The following GABRA5 variants were observed in gnomAD, a reference collection of about 807,000 sequenced individuals.
GABRA5 encodes the protein gamma-aminobutyric acid type A receptor subunit alpha5.
In GABRA5, 18 loss-of-function variants were observed where a neutral mutation model predicts 47.3. The ratio of observed to expected loss-of-function variants is 0.38; its 90% CI spans 0.26 to 0.56. The LOEUF (loss-of-function observed/expected upper bound fraction) is 0.56. Ranked by LOEUF, GABRA5 falls within the 20% of genes least tolerant of loss-of-function variation. The pLI is 0.71. For synonymous variants in GABRA5, 237 were observed against 229.3 expected (o/e 1.03, Z -0.30); for missense variants, 365 against 599.3 (o/e 0.61, Z 4.08).
At chr15:26,886,033 T>C (rs1892870164) in intron 6 of GABRA5, among the ~76,000 whole-genome samples, 1 of 152,044 alleles carries the variant, frequency 6.6e-6, no homozygotes, top group Admixed American at 6.6e-5. Flanking sequence ...GTTGTTGTTG[T>C]TGTTGAGATG....
intron 6 of GABRA5, among the ~76,000 whole-genome samples, chr15:26,912,013 A>G (rs1893607088): frequency 6.6e-6 from 1 of 152,180 alleles, no homozygotes; most frequent in Non-Finnish European, 1.5e-5. Flanking sequence ...CTTCAGTAGC[A>G]CAGCTGGGCT....
intron 6 of GABRA5, among the ~76,000 whole-genome samples, chr15:26,891,503 A>C (rs1473342477): frequency 6.6e-6 from 1 of 152,210 alleles, no homozygotes; most frequent in Admixed American, 6.5e-5. Flanking sequence ...TATGCGCGCT[A>C]TTCAGCCATG....
At chr15:26,890,426 AT>A (rs201726196) in intron 6 of GABRA5, among the ~76,000 whole-genome samples, 2,465 of 128,590 alleles carry the variant, frequency 0.019, 52 homozygotes, top group African/African-American at 0.069. Flanking sequence ...AGTCACTTCA[AT>A]TTTTTTTTTT....
chr15:26,875,981 G>C (rs1892588215), intron 3 of GABRA5, among the ~76,000 whole-genome samples: 1 of 152,194 alleles, frequency 6.6e-6, no homozygotes, highest in Non-Finnish European at 1.5e-5. Flanking sequence ...ACAGTGAAGA[G>C]GTGATTGCAG....
intron 7 of GABRA5, among the ~76,000 whole-genome samples, chr15:26,924,050 C>T (rs1256876407): frequency 6.6e-6 from 1 of 151,624 alleles, no homozygotes; most frequent in Non-Finnish European, 1.5e-5. Flanking sequence ...ATTCTGATCT[C>T]TGTCATCTCT....
At chr15:26,897,176 G>T (rs1044120667) in intron 6 of GABRA5, among the ~76,000 whole-genome samples, 1 of 152,076 alleles carries the variant, frequency 6.6e-6, no homozygotes, top group African/African-American at 2.4e-5. Context: ...TGCCTATGTT[G>T]CTTCCAAATT....
chr15:26,883,586 C>T lies in GABRA5; in HGVS notation c.497+29C>T, dbSNP rs747836136. On this transcript the variant is annotated intron_variant, in intron 6 of 10. Coordinates refer to ENST00000335625, the MANE Select transcript of GABRA5 (RefSeq NM_000810.4). The surrounding 1 kb of genome is among the most constrained non-coding windows in gnomAD (Gnocchi z 4.8). ...AGCGCCGGGCGGGGGCGGGCGGGGC[C>T]GGGGGACGGTGCGGGGCAGGCGCGG... is the stretch of plus-strand genomic sequence containing the variant. 4 of 560,374 alleles carry T rather than the reference C, an allele frequency of 7.1e-6. No individual in the cohort carries two copies. The highest frequency in any genetic ancestry group is 2.0e-5 in the African/African-American group (1 of 51,062). 34.7% of individuals were successfully genotyped at this position (560,374 alleles called of 1,614,324 possible). A position where few individuals can be genotyped will look rare whatever the true frequency, so the allele number is the denominator to read the frequency against.
intron 6 of GABRA5, among the ~76,000 whole-genome samples, chr15:26,911,334 T>TGTTTGTGTACCCTCC (rs1165692118): frequency 5.3e-5 from 8 of 150,980 alleles, no homozygotes; most frequent in Non-Finnish European, 8.9e-5. Context: ...TGTCCACCTG[T>TGTTTGTGTACCCTCC]GTTTGTGTAC....
intron 6 of GABRA5, among the ~76,000 whole-genome samples, chr15:26,890,150 A>T (rs551325181): frequency 6.6e-6 from 1 of 152,316 alleles, no homozygotes; most frequent in South Asian, 2.1e-4. Context: ...TTCTGGTCCA[A>T]GCACCTACGT....
intron 10 of GABRA5, among the ~76,000 whole-genome samples, chr15:26,946,151 C>T (rs2140604660): frequency 6.6e-6 from 1 of 151,320 alleles, no homozygotes; most frequent in Admixed American, 6.6e-5. Context: ...CTGCTCCACG[C>T]TTGGGCTTTC....
chr15:26,916,492 T>C (rs1893719850), intron 7 of GABRA5, among the ~76,000 whole-genome samples: 1 of 152,188 alleles, frequency 6.6e-6, no homozygotes, highest in African/African-American at 2.4e-5. Flanking sequence ...GTAACATATT[T>C]TGGAGTCAGG....
At chr15:26,921,955 G>T (rs1156831845) in intron 7 of GABRA5, among the ~76,000 whole-genome samples, 1 of 152,014 alleles carries the variant, frequency 6.6e-6, no homozygotes, top group African/African-American at 2.4e-5. Flanking sequence ...TCCAGAGAAT[G>T]CCCTCTGTAT....
intron 8 of GABRA5, chr15:26,939,543 C>T: frequency 1.5e-6 from 1 of 650,554 alleles, no homozygotes; most frequent in Non-Finnish European, 2.8e-6. Context: ...ACTCTGTCCA[C>T]CCTCTGCAGG....
chr15:26,889,577 C>T (rs1892956851), intron 6 of GABRA5, among the ~76,000 whole-genome samples: 1 of 152,120 alleles, frequency 6.6e-6, no homozygotes, highest in South Asian at 2.1e-4. Context: ...TGGATACATA[C>T]ATATCTGGAA....
At chr15:26,906,812 G>A (rs1396215045) in intron 6 of GABRA5, among the ~76,000 whole-genome samples, 2 of 152,068 alleles carry the variant, frequency 1.3e-5, no homozygotes, top group South Asian at 2.1e-4. Context: ...TCCATTTCAC[G>A]TCAATTATTA....
chr15:26,903,890 GA>G (rs1893382781), intron 6 of GABRA5, among the ~76,000 whole-genome samples: 1 of 151,344 alleles, frequency 6.6e-6, no homozygotes, highest in Non-Finnish European at 1.5e-5. Flanking sequence ...GACTTTTGCA[GA>G]TATTTTCTCT....
intron 7 of GABRA5, among the ~76,000 whole-genome samples, chr15:26,926,821 G>T (rs1455295871): frequency 6.6e-6 from 1 of 152,132 alleles, no homozygotes; most frequent in Non-Finnish European, 1.5e-5. Context: ...TAATGCTACT[G>T]GTGAGCAGGG....
At chr15:26,873,097 T>C (rs992844643) in intron 3 of GABRA5, among the ~76,000 whole-genome samples, 1 of 152,186 alleles carries the variant, frequency 6.6e-6, no homozygotes, top group African/African-American at 2.4e-5. Flanking sequence ...TAAGGTACGT[T>C]TGACGACCTG....
chr15:26,929,774 C>T (rs1595429782), intron 7 of GABRA5, among the ~76,000 whole-genome samples: 1 of 152,310 alleles, frequency 6.6e-6, no homozygotes, highest in Non-Finnish European at 1.5e-5. Context: ...GGCGCCTCTC[C>T]GTCCTGCAGG....
Sources: allele counts gnomAD v4.1 joint callset (sites outside exome capture counted in the v4.1 genomes callset), GRCh38; gene constraint gnomAD v4.1.1; non-coding constraint Gnocchi (gnomAD v3.1); transcripts MANE v1.5; gene names NCBI Gene and HGNC (gene_info 2026-07-23, HGNC 2026-07-21).